DOK5: variants seen among roughly 807,000 people sequenced by gnomAD.
DOK5 encodes the protein downstream of tyrosine kinase 5.
Under a neutral mutation model 43.3 loss-of-function variants are expected in DOK5, and 27 were observed. The observed-to-expected ratio is 0.62, with a 90% CI of 0.46 to 0.86. The LOEUF (loss-of-function observed/expected upper bound fraction) is 0.86, where lower values mean the gene tolerates loss of function less well. Among genes scored for constraint, DOK5 ranks in the 40% least tolerant of loss-of-function variants. The probability of loss-of-function intolerance (pLI) is 0.00; values close to 1 mark genes in which losing one functional copy is unlikely to be tolerated. For missense variants in DOK5, 373 were observed against 392.9 expected, an observed-to-expected ratio of 0.95 and a Z score of 0.43; for synonymous variants, 146 against 140.1, an observed-to-expected ratio of 1.04 and a Z score of -0.30.
intron 5 of DOK5, among the ~76,000 whole-genome samples, chr20:54,604,013 C>T (rs1409987835): frequency 7.6e-6 from 1 of 131,486 alleles, no homozygotes; most frequent in Non-Finnish European, 1.5e-5. Context: ...GTGGCGCGAT[C>T]TCGGCTCACT....
intron 1 of DOK5, among the ~76,000 whole-genome samples, chr20:54,476,369 C>A (rs1981426614): frequency 6.6e-6 from 1 of 152,134 alleles, no homozygotes; most frequent in Non-Finnish European, 1.5e-5. Context: ...CCCTCTTTTC[C>A]CACTCGCCGC....
intron 5 of DOK5, among the ~76,000 whole-genome samples, chr20:54,598,524 T>C (rs1337767748): frequency 6.6e-6 from 1 of 152,186 alleles, no homozygotes; most frequent in African/African-American, 2.4e-5. Context: ...CTGTTAACTG[T>C]ACAGCTTGCT....
At chr20:54,627,225 C>A (rs1417758526) in intron 6 of DOK5, among the ~76,000 whole-genome samples, 1 of 152,192 alleles carries the variant, frequency 6.6e-6, no homozygotes, top group Admixed American at 6.5e-5. Context: ...AATACCGCAA[C>A]AATTATCCTT....
At chr20:54,505,210 G>A (rs113469381) in intron 1 of DOK5, among the ~76,000 whole-genome samples, 2 of 152,050 alleles carry the variant, frequency 1.3e-5, no homozygotes, top group African/African-American at 2.4e-5. Flanking sequence ...ATTAAATCAG[G>A]GGTTGGTAAA....
chr20:54,551,100 G>T (rs1984515467), intron 1 of DOK5, among the ~76,000 whole-genome samples: 1 of 152,134 alleles, frequency 6.6e-6, no homozygotes, highest in African/African-American at 2.4e-5. Flanking sequence ...AATCTGATAG[G>T]TGTGTATTGG....
intron 1 of DOK5, among the ~76,000 whole-genome samples, chr20:54,530,365 C>T (rs56158072): frequency 0.024 from 3,712 of 152,202 alleles, 146 homozygotes; most frequent in African/African-American, 0.084. Context: ...TTTCTATGGG[C>T]GAGATTTGCA....
intron 1 of DOK5, among the ~76,000 whole-genome samples, chr20:54,537,657 A>T (rs1984003204): frequency 6.6e-6 from 1 of 152,104 alleles, no homozygotes; most frequent in Non-Finnish European, 1.5e-5. Flanking sequence ...CTGGAAAAAT[A>T]ATCACAAGAG....
At position 54,624,982 on chromosome 20, in the gene DOK5, G is replaced by T. The variant is rs575025189; in HGVS notation, c.735+14459G>T. ...TTTTTTTTCCCTTAGCAGGAAAGCGGTCTTTCTTTCTTACCCACATTTTTT... is the reference window on the plus strand; with the variant it reads ...TTTTTTTTCCCTTAGCAGGAAAGCGTTCTTTCTTTCTTACCCACATTTTTT... On this transcript the variant is annotated intron_variant, in intron 6 of 7. Coordinates refer to ENST00000262593, the MANE Select transcript of DOK5 (RefSeq NM_018431.5). Among the ~76,000 whole-genome samples, 8 of 152,128 alleles carry T rather than the reference G, an allele frequency of 5.3e-5. No individual in the cohort carries two copies. The South Asian group carries it at 1.5e-3, about 28-fold the overall frequency.
At chr20:54,554,366 T>C (rs1984637869) in intron 1 of DOK5, among the ~76,000 whole-genome samples, 1 of 152,248 alleles carries the variant, frequency 6.6e-6, no homozygotes, top group South Asian at 2.1e-4. Context: ...CCTTTCAATT[T>C]GGTCTGCACC....
At chr20:54,550,313 A>C (rs1568779056) in intron 1 of DOK5, among the ~76,000 whole-genome samples, 1 of 152,226 alleles carries the variant, frequency 6.6e-6, no homozygotes, top group African/African-American at 2.4e-5. Context: ...ATTCTATTTC[A>C]AGATAATTGT....
chr20:54,606,340 C>T (rs193187806), intron 5 of DOK5, among the ~76,000 whole-genome samples: 5 of 152,134 alleles, frequency 3.3e-5, no homozygotes, highest in Middle Eastern at 3.4e-3. Flanking sequence ...GTGTTTGGGC[C>T]ACTTGGGGCC....
intron 2 of DOK5, among the ~76,000 whole-genome samples, chr20:54,556,637 A>T (rs115807344): frequency 1.5e-3 from 226 of 152,322 alleles, no homozygotes; most frequent in African/African-American, 5.1e-3. Flanking sequence ...TTTTCTTAAA[A>T]GAGAATCAAA....
intron 1 of DOK5, among the ~76,000 whole-genome samples, chr20:54,539,470 T>A (rs1984074926): frequency 6.6e-6 from 1 of 152,136 alleles, no homozygotes; most frequent in African/African-American, 2.4e-5. Context: ...TGGGGCATGT[T>A]TCCCTTAGAA....
At chr20:54,539,826 T>C (rs1984087483) in intron 1 of DOK5, among the ~76,000 whole-genome samples, 1 of 152,188 alleles carries the variant, frequency 6.6e-6, no homozygotes. Flanking sequence ...AAATTGTTGT[T>C]TAAGCAGCTA....
At chr20:54,591,846 T>A (rs762245224) in intron 5 of DOK5, 41 bp downstream of exon 5, 31 of 1,555,620 alleles carry the variant, frequency 2.0e-5, no homozygotes, top group Admixed American at 3.6e-5. Flanking sequence ...TCTGTTTGTG[T>A]GTGTGTGTGT....
intron 6 of DOK5, among the ~76,000 whole-genome samples, chr20:54,631,960 G>T (rs556713196): frequency 1.3e-5 from 2 of 152,322 alleles, no homozygotes; most frequent in South Asian, 4.1e-4. Flanking sequence ...AACAGAGCAA[G>T]ACTCCGTCTC....
chr20:54,527,803 G>T (rs1983629416), intron 1 of DOK5, among the ~76,000 whole-genome samples: 1 of 152,204 alleles, frequency 6.6e-6, no homozygotes, highest in Non-Finnish European at 1.5e-5. Context: ...AATAGTTAGG[G>T]CTATGGATAT....
At chr20:54,583,836 T>C (rs1985713638) in intron 2 of DOK5, among the ~76,000 whole-genome samples, 1 of 152,124 alleles carries the variant, frequency 6.6e-6, no homozygotes, top group South Asian at 2.1e-4. Context: ...AATTTATCTT[T>C]TGATAGGGCA....
intron 1 of DOK5, among the ~76,000 whole-genome samples, chr20:54,500,495 C>G (rs1327661535): frequency 6.6e-6 from 1 of 151,358 alleles, no homozygotes; most frequent in Admixed American, 6.6e-5. Flanking sequence ...TTTTTTTCTC[C>G]TAAACATTGA....
Sources: gnomAD v4.1 joint callset for allele counts (sites outside exome capture counted in the v4.1 genomes callset) on GRCh38, gnomAD v4.1.1 for gene constraint, MANE v1.5 for transcripts, NCBI Gene and HGNC (gene_info 2026-07-23, HGNC 2026-07-21) for gene names.